The following NUP205 variants were observed in gnomAD, a reference collection of about 807,000 sequenced individuals.
NUP205 encodes the protein nucleoporin 205.
In NUP205, 76 loss-of-function variants were observed where a neutral mutation model predicts 253.8. The observed-to-expected ratio is 0.30, with a 90% CI of 0.25 to 0.36. The LOEUF (loss-of-function observed/expected upper bound fraction) is 0.36, where lower values mean the gene tolerates loss of function less well. NUP205 is among the 10% of genes least tolerant of loss of function. The pLI is 1.00. For missense variants in NUP205, 2,162 were observed against 2,425.5 expected, an observed-to-expected ratio of 0.89 and a Z score of 2.28; for synonymous variants, 832 against 850.1, an observed-to-expected ratio of 0.98 and a Z score of 0.37.
chr7:135,582,409 T>C (rs1806331711), intron 7 of NUP205, among the ~76,000 whole-genome samples: 1 of 152,262 alleles, frequency 6.6e-6, no homozygotes, highest in South Asian at 2.1e-4. Context: ...GTAATTTTAG[T>C]AATTGTTATT....
chr7:135,598,383 G>A (rs2129490455), intron 15 of NUP205, among the ~76,000 whole-genome samples, 176 bp downstream of exon 15: 1 of 152,220 alleles, frequency 6.6e-6, no homozygotes, highest in East Asian at 1.9e-4. Flanking sequence ...AATAAGTTTG[G>A]TCATTAAAAC....
chr7:135,614,312 A>G (rs1335514725), intron 23 of NUP205, 39 bp downstream of exon 23: 12 of 1,039,344 alleles, frequency 1.2e-5, no homozygotes, highest in Admixed American at 1.7e-5. Flanking sequence ...GAACACATTT[A>G]TAATTCCATG....
At chr7:135,582,960 C>T (rs772116943) in intron 7 of NUP205, among the ~76,000 whole-genome samples, 1 of 151,682 alleles carries the variant, frequency 6.6e-6, no homozygotes, top group Non-Finnish European at 1.5e-5. Context: ...CGTGGTGGTG[C>T]GTGCCTATAG....
Position 135,609,954 on chromosome 7 carries a change from G to A in NUP205, c.3195+2583G>A, listed in dbSNP as rs1282196154. 3.3e-5 allele frequency among the ~76,000 whole-genome samples: 5 copies of A among 152,182 alleles called. No individual in the cohort carries two copies. The East Asian group carries it at 9.6e-4, about 29-fold the overall frequency. On this transcript the variant is annotated intron_variant, in intron 22 of 42. Transcript: ENST00000285968. ...CAGGTGAAGTAAATGAATGAAGCCA[G>A]GGTCCAGTTAAGGGAGTGGGAGGAA...
At chr7:135,578,053 T>A (rs1563113559) in intron 6 of NUP205, 29 bp downstream of exon 6, 1 of 1,496,712 alleles carries the variant, frequency 6.7e-7, no homozygotes, top group Non-Finnish European at 9.3e-7. Flanking sequence ...TTTCCTACAT[T>A]AAAAAAATCA....
At chr7:135,597,493 C>A in intron 14 of NUP205, 75 bp downstream of exon 14, 1 of 864,034 alleles carries the variant, frequency 1.2e-6, no homozygotes, top group Non-Finnish European at 1.9e-6. Flanking sequence ...ATCATTCTTA[C>A]CCTTTTACGT....
chr7:135,646,800 AC>A (rs762764253), intron 42 of NUP205, among the ~76,000 whole-genome samples: 9 of 152,160 alleles, frequency 5.9e-5, no homozygotes, highest in Admixed American at 3.9e-4. Context: ...GGAGGATTCA[AC>A]CTCAGAGGGT....
At chr7:135,621,826 A>G (rs990512353) in intron 30 of NUP205, among the ~76,000 whole-genome samples, 7 of 152,100 alleles carry the variant, frequency 4.6e-5, no homozygotes, top group Admixed American at 1.3e-4. Context: ...TTTTTGAGAC[A>G]GAGCTTCACT....
chr7:135,631,405 A>G (rs1290382700), intron 35 of NUP205, among the ~76,000 whole-genome samples: 1 of 152,218 alleles, frequency 6.6e-6, no homozygotes, highest in East Asian at 1.9e-4. Context: ...GAAAAACATT[A>G]TGAAACATTA....
Position 135,644,895 on chromosome 7 carries a change from T to C in NUP205, c.5560T>C (p.Leu1854=). The change falls in exon 40 of 43, where the codon TTG becomes CTG. Residue 1854 remains leucine, a splice_region_variant and synonymous_variant. Transcript: ENST00000285968. ...EQLPPDEIKE[L]CQSVMPAGVD... is the part of the protein sequence containing the mutation. Reference sequence around the variant, plus strand: ...CTAATACCACATTTGTTTCTTCTAGTTGTGTCAGTCTGTGATGCCTGCTGG... The same window carrying C: ...CTAATACCACATTTGTTTCTTCTAGCTGTGTCAGTCTGTGATGCCTGCTGG... The C allele has an allele frequency of 6.2e-7, 1 of 1,613,544 alleles. No homozygotes were observed. Among genetic ancestry groups the C allele is most frequent in the Non-Finnish European group, 8.5e-7 (1 of 1,179,826 alleles).
intron 7 of NUP205, among the ~76,000 whole-genome samples, chr7:135,584,430 G>C (rs1465050285): frequency 6.6e-6 from 1 of 152,170 alleles, no homozygotes; most frequent in East Asian, 1.9e-4. Flanking sequence ...ACCTATTCAT[G>C]TTCAGGTTTT....
chr7:135,636,705 C>T (rs925749420), intron 36 of NUP205, among the ~76,000 whole-genome samples: 6 of 152,080 alleles, frequency 3.9e-5, no homozygotes, highest in African/African-American at 1.4e-4. Context: ...ATATGTTTTG[C>T]CTTATCGAAA....
rs1563121754 is a variant in NUP205 at position 135,597,350 on chromosome 7, ACTT to A, written c.2014-14_2014-12del. ...TGAATGAGGAATGCTCCTGACATCTACTTCTTACTATTTTAAGATACTGCAGAC... is the reference window on the plus strand; with the variant it reads ...TGAATGAGGAATGCTCCTGACATCTACTTACTATTTTAAGATACTGCAGAC... On this transcript the variant is annotated splice_polypyrimidine_tract_variant and intron_variant, in intron 13 of 42. Transcript: ENST00000285968. 2 of 1,593,240 alleles carry A rather than the reference ACTT, an allele frequency of 1.3e-6. No homozygotes were observed. The highest frequency in any genetic ancestry group is 4.5e-5 in the East Asian group (2 of 44,754).
At chr7:135,587,767 G>A (rs1264991627) in intron 9 of NUP205, 76 bp downstream of exon 9, 13 of 1,532,684 alleles carry the variant, frequency 8.5e-6, no homozygotes, top group Non-Finnish European at 1.1e-5. Context: ...GAAAATTTCA[G>A]GTGTAATACT....
At chr7:135,634,576 C>T (rs1223123031) in intron 35 of NUP205, among the ~76,000 whole-genome samples, 3 of 152,082 alleles carry the variant, frequency 2.0e-5, no homozygotes, top group Non-Finnish European at 2.9e-5. Context: ...CAAGTTTTTG[C>T]TTGGTTTTGT....
chr7:135,567,212 A>G (rs1361420931), intron 1 of NUP205, among the ~76,000 whole-genome samples: 1 of 131,430 alleles, frequency 7.6e-6, no homozygotes, highest in Non-Finnish European at 1.6e-5. Context: ...AATATTTGAT[A>G]GTGAATGAAA....
intron 10 of NUP205, among the ~76,000 whole-genome samples, chr7:135,590,162 A>T (rs1437602667): frequency 2.0e-5 from 3 of 150,988 alleles, no homozygotes; most frequent in African/African-American, 7.3e-5. Flanking sequence ...CCCAAGTTGG[A>T]GTGCAATGGC....
chr7:135,602,359 G>A (rs1032223136), intron 17 of NUP205, among the ~76,000 whole-genome samples: 5 of 152,186 alleles, frequency 3.3e-5, no homozygotes, highest in African/African-American at 1.2e-4. Context: ...ACCATTGACA[G>A]TTTGAGCTGA....
At chr7:135,618,314 C>T (rs1358069068) in intron 27 of NUP205, 98 bp from the exon 28 acceptor site, 3 of 933,246 alleles carry the variant, frequency 3.2e-6, no homozygotes, top group African/African-American at 3.3e-5. Flanking sequence ...TCCTGGCATG[C>T]ATGTAGTAGG....
Sources: allele counts gnomAD v4.1 joint callset (sites outside exome capture counted in the v4.1 genomes callset), GRCh38; gene constraint gnomAD v4.1.1; transcripts MANE v1.5; gene names NCBI Gene and HGNC (gene_info 2026-07-23, HGNC 2026-07-21).